CREB5: variants seen among roughly 807,000 people sequenced by gnomAD.
The protein encoded by CREB5 is cyclic AMP-responsive element-binding protein 5.
Under a neutral mutation model 57.1 loss-of-function variants are expected in CREB5, and 19 were observed. That is an observed-to-expected ratio of 0.33 (90% confidence interval 0.23 to 0.49). The LOEUF (loss-of-function observed/expected upper bound fraction) is 0.49. CREB5 is among the 20% of genes least tolerant of loss of function. The pLI is 0.99. For synonymous variants in CREB5, 238 were observed against 238.3 expected (o/e 1.00, Z 0.01); for missense variants, 579 against 671.6 (o/e 0.86, Z 1.52).
chr7:28,797,724 C>T (rs546563239), intron 7 of CREB5, among the ~76,000 whole-genome samples: 35 of 152,306 alleles, frequency 2.3e-4, no homozygotes, highest in East Asian at 1.5e-3. Flanking sequence ...ATTTGGGGAT[C>T]TAAGCTGGCC....
At chr7:28,816,055 GCACACACACACA>G (rs34917973) in intron 9 of CREB5, among the ~76,000 whole-genome samples, 12 of 145,258 alleles carry the variant, frequency 8.3e-5, no homozygotes, top group South Asian at 4.5e-4. Context: ...AAATATATAC[GCACACACACACA>G]CACACACACA....
At chr7:28,667,678 T>G (rs1799879056) in intron 5 of CREB5, among the ~76,000 whole-genome samples, 1 of 152,186 alleles carries the variant, frequency 6.6e-6, no homozygotes, top group African/African-American at 2.4e-5. Flanking sequence ...ATTTGTAAAC[T>G]CACAAAATGT....
intron 5 of CREB5, among the ~76,000 whole-genome samples, chr7:28,658,130 C>T (rs989420942): frequency 2.6e-5 from 4 of 152,088 alleles, no homozygotes; most frequent in African/African-American, 4.8e-5. Flanking sequence ...CTCATAAGGG[C>T]GGAGCACGGC....
At chr7:28,803,535 G>C (rs1446503424) in intron 7 of CREB5, among the ~76,000 whole-genome samples, 2 of 152,064 alleles carry the variant, frequency 1.3e-5, no homozygotes, top group Non-Finnish European at 2.9e-5. Context: ...GAGGCAGATG[G>C]ATCACGAGGT....
At chr7:28,429,076 G>A (rs1265925086) in intron 1 of CREB5, among the ~76,000 whole-genome samples, 1 of 151,988 alleles carries the variant, frequency 6.6e-6, no homozygotes, top group Admixed American at 6.6e-5. Flanking sequence ...CCCAGGCTAG[G>A]GTACAATGGC....
intron 1 of CREB5, among the ~76,000 whole-genome samples, chr7:28,460,805 GAAGA>G (rs1790318727): frequency 1.3e-5 from 2 of 152,214 alleles, no homozygotes; most frequent in Admixed American, 6.5e-5. Context: ...GTTGTCGGGG[GAAGA>G]GAGAGGAGAA....
In CREB5 at chr7:28,309,054, A is replaced by G. The variant is rs116965953; in HGVS notation, c.-25+9613A>G. Among the ~76,000 whole-genome samples the G allele has an allele frequency of 2.2e-3, 334 of 152,286 alleles. 1 individual carries two copies. The highest frequency in any genetic ancestry group is 4.2e-3 in the Non-Finnish European group (285 of 68,016). On this transcript the variant is annotated intron_variant, in intron 1 of 9. Coordinates refer to the CREB5 transcript ENST00000396299. ...CTACAGCAGACTGTCTTTGGACTCA[A>G]ACCGGAATATTAGCTCTCCTGGGTC... is the stretch of plus-strand genomic sequence containing the variant.
At chr7:28,720,870 C>A (rs1228364929) in intron 6 of CREB5, among the ~76,000 whole-genome samples, 2 of 152,058 alleles carry the variant, frequency 1.3e-5, no homozygotes, top group Non-Finnish European at 2.9e-5. Flanking sequence ...CAGAAAAATA[C>A]CACTGCAGAG....
chr7:28,440,416 C>T (rs1433928766), intron 1 of CREB5, among the ~76,000 whole-genome samples: 1 of 152,084 alleles, frequency 6.6e-6, no homozygotes, highest in Non-Finnish European at 1.5e-5. Flanking sequence ...AAATTAAGGG[C>T]TTCAGTTAAT....
Position 28,689,296 on chromosome 7 carries a change from G to A in CREB5, c.465-29457G>A, listed in dbSNP as rs538155143. On this transcript the variant is annotated intron_variant, in intron 5 of 10. Transcript: ENST00000357727. The stretch of plus-strand genomic sequence containing the variant: ...ATCCTGGCTAAAATGGTGAAACCCC[G>A]TCTCTACTAAAAATACAAAAAATTA... Among the ~76,000 whole-genome samples the A allele has an allele frequency of 2.8e-4, 43 of 152,054 alleles. 1 individual carries two copies. Among genetic ancestry groups the A allele is most frequent in the South Asian group, 1.9e-3 (9 of 4,810 alleles).
intron 1 of CREB5, among the ~76,000 whole-genome samples, chr7:28,348,408 T>TCTCACACACACACACACACA (rs1376338798): frequency 8.5e-6 from 1 of 118,116 alleles, no homozygotes. Flanking sequence ...TCTCTCTCTC[T>TCTCACACACACACACACACA]CACACACACA....
intron 7 of CREB5, among the ~76,000 whole-genome samples, chr7:28,769,023 T>G (rs1052321611): frequency 8.5e-5 from 13 of 152,252 alleles, no homozygotes; most frequent in African/African-American, 3.1e-4. Flanking sequence ...TGTGAGTCCT[T>G]GAGTGTAAAC....
intron 7 of CREB5, among the ~76,000 whole-genome samples, chr7:28,739,153 C>A (rs1334804027): frequency 6.6e-6 from 1 of 152,196 alleles, no homozygotes; most frequent in Admixed American, 6.5e-5. Flanking sequence ...TCAGAAGAGT[C>A]AAGGTCCTGT....
intron 4 of CREB5, among the ~76,000 whole-genome samples, chr7:28,561,001 T>TGC (rs1268541355): frequency 0.029 from 743 of 25,198 alleles, 75 homozygotes; most frequent in Non-Finnish European, 0.05. Context: ...TGTGCCTGCG[T>TGC]GTGCGTGTGT....
intron 7 of CREB5, among the ~76,000 whole-genome samples, chr7:28,782,671 C>A (rs76447206): frequency 6.6e-6 from 1 of 152,074 alleles, no homozygotes; most frequent in African/African-American, 2.4e-5. Context: ...TTGGAATGCA[C>A]GTGTTGGAAA....
At chr7:28,736,826 T>C (rs73075774) in intron 7 of CREB5, among the ~76,000 whole-genome samples, 462 of 35,872 alleles carry the variant, frequency 0.013, no homozygotes, top group African/African-American at 0.059. Flanking sequence ...CTCTCTCTCT[T>C]TTTTTTTTTT....
At chr7:28,560,815 TGTGTGTGC>T (rs1795071426) in intron 4 of CREB5, among the ~76,000 whole-genome samples, 2 of 136,770 alleles carry the variant, frequency 1.5e-5, no homozygotes, top group African/African-American at 2.8e-5. Flanking sequence ...TGCGCGTGTG[TGTGTGTGC>T]GCGCGCGCGC....
intron 1 of CREB5, among the ~76,000 whole-genome samples, chr7:28,433,423 T>C (rs899076700): frequency 5.9e-5 from 9 of 152,232 alleles, no homozygotes; most frequent in African/African-American, 2.2e-4. Context: ...TTGCTGGCAA[T>C]TTATGAATTG....
rs569911176 is a variant in CREB5 at position 28,492,717 on chromosome 7, A to T, written c.76-2189A>T. Among the ~76,000 whole-genome samples the T allele has an allele frequency of 2.7e-5, 4 of 148,898 alleles. No individual in the cohort carries two copies. The South Asian group carries it at 6.3e-4, about 23-fold the overall frequency. Reference sequence around the variant, plus strand: ...CATGTTGTGTATTTTTGTATATACAAATATATATATAAAATATAGTATATT... The same window carrying T: ...CATGTTGTGTATTTTTGTATATACATATATATATATAAAATATAGTATATT... On this transcript the variant is annotated intron_variant, in intron 2 of 10. Coordinates refer to ENST00000357727, the MANE Select transcript of CREB5 (RefSeq NM_182898.4).
Sources: allele counts gnomAD v4.1 joint callset (sites outside exome capture counted in the v4.1 genomes callset), GRCh38; gene constraint gnomAD v4.1.1; transcripts MANE v1.5; gene names NCBI Gene and HGNC (gene_info 2026-07-23, HGNC 2026-07-21).